Variants in RBM39 observed in about 807,000 individuals in gnomAD.
RBM39 encodes RNA-binding protein 39.
In RBM39, 12 loss-of-function variants were observed where a neutral mutation model predicts 79.6. The observed-to-expected ratio is 0.15, with a 90% CI of 0.10 to 0.24. The LOEUF is 0.24. Among genes scored for constraint, RBM39 ranks in the 10% least tolerant of loss-of-function variants. The probability of loss-of-function intolerance (pLI) is 1.00; values close to 1 mark genes in which losing one functional copy is unlikely to be tolerated. For missense variants in RBM39, 243 were observed against 653.4 expected (o/e 0.37, Z 6.85); for synonymous variants, 185 against 208.4 (o/e 0.89, Z 0.97).
intron 3 of RBM39, among the ~76,000 whole-genome samples, chr20:35,738,122 C>T (rs2040159640): frequency 6.6e-6 from 1 of 151,720 alleles, no homozygotes; most frequent in Non-Finnish European, 1.5e-5. Flanking sequence ...AACCACTGCA[C>T]CCCAGCCTGG....
Position 35,712,650 on chromosome 20 carries a change from T to C in RBM39, c.1174+369A>G, listed in dbSNP as rs534896393. 2.9e-3 allele frequency among the ~76,000 whole-genome samples: 443 copies of C among 152,198 alleles called. 1 individual carries two copies. Among genetic ancestry groups the C allele is most frequent in the African/African-American group, 1.0e-2 (415 of 41,512 alleles). On this transcript the variant is annotated intron_variant, in intron 12 of 16. Transcript: ENST00000253363. ...TGTCTCAACACTCTTACTACTACAA[T>C]AGTTTTAAGTAAAGCTTTTTTAAGT...
At chr20:35,724,339 A>C (rs1016713665) in intron 8 of RBM39, among the ~76,000 whole-genome samples, 1 of 151,924 alleles carries the variant, frequency 6.6e-6, no homozygotes, top group African/African-American at 2.4e-5. Context: ...AAACAAAACA[A>C]AAAAAAGGCA....
Position 35,704,471 on chromosome 20 carries a change from A to AT in RBM39, c.*9dup. 1 of 1,573,250 alleles carries AT rather than the reference A, an allele frequency of 6.4e-7. No homozygotes were observed. The highest frequency in any genetic ancestry group is 8.7e-7 in the Non-Finnish European group (1 of 1,144,982). ...AAAAAAGCTATATACATAAGGGACT[A>AT]TATCTTCCTTCATCGTCTACTTGGA... On this transcript the variant is annotated 3_prime_UTR_variant, in exon 17 of 17. Transcript: ENST00000253363.
chr20:35,739,349 G>A (rs2040299598), intron 2 of RBM39: 2 of 458,310 alleles, frequency 4.4e-6, no homozygotes, highest in Middle Eastern at 3.3e-4. Context: ...ATGAAGTCCT[G>A]TTTTGAGTTT....
intron 3 of RBM39, among the ~76,000 whole-genome samples, chr20:35,738,641 T>G (rs551207278): frequency 6.6e-6 from 1 of 152,220 alleles, no homozygotes; most frequent in Non-Finnish European, 1.5e-5. Context: ...TCAATGGATA[T>G]ATAACAGTTT....
intron 12 of RBM39, among the ~76,000 whole-genome samples, chr20:35,712,368 G>C (rs920055649): frequency 6.8e-6 from 1 of 146,102 alleles, no homozygotes; most frequent in East Asian, 2.1e-4. Context: ...AGGAGGCACA[G>C]GTTGCAGTGA....
intron 14 of RBM39, among the ~76,000 whole-genome samples, chr20:35,706,291 C>A (rs796923936): frequency 6.6e-6 from 1 of 152,102 alleles, no homozygotes; most frequent in African/African-American, 2.4e-5. Context: ...AAGATAGAGC[C>A]GGTGGCGCCA....
rs927496456 is a variant in RBM39 at position 35,729,535 on chromosome 20, G to A, written c.297-8C>T. 2 of 1,613,360 alleles carry A rather than the reference G, an allele frequency of 1.2e-6. No individual in the cohort carries two copies. Among genetic ancestry groups the A allele is most frequent in the Admixed American group, 3.3e-5 (2 of 59,876 alleles). On this transcript the variant is annotated splice_region_variant and splice_polypyrimidine_tract_variant and intron_variant, in intron 4 of 16. Coordinates refer to ENST00000253363, the MANE Select transcript of RBM39 (RefSeq NM_184234.3). Reference sequence around the variant, plus strand: ...TTAAATTTTGGTCCGGAGCTAAAAAGGAAACACAAAATTACACTAGTTACA... The same window carrying A: ...TTAAATTTTGGTCCGGAGCTAAAAAAGAAACACAAAATTACACTAGTTACA...
At chr20:35,741,044 T>C (rs1002464402) in intron 1 of RBM39, among the ~76,000 whole-genome samples, 157 bp from the exon 2 acceptor site, 5 of 127,712 alleles carry the variant, frequency 3.9e-5, no homozygotes, top group African/African-American at 1.4e-4. Context: ...TTTTTTTTTT[T>C]TTTTTTTGAG....
rs942626953 is a variant in RBM39, at chr20:35,705,439, GA to G, written c.1308-110del. 1.3e-4 allele frequency: 87 copies of G among 657,492 alleles called. 1 individual carries two copies. Among genetic ancestry groups the G allele is most frequent in the Non-Finnish European group, 2.0e-4 (80 of 407,012 alleles). The allele number at this position is 657,492 out of a possible 1,614,324, so 40.7% of individuals were successfully genotyped here. ...TCTATGAATTAAAAAAAATACTTTG[GA>G]AAAAAAGCACATTGACAGAACGTCT... is the stretch of plus-strand genomic sequence containing the variant. On this transcript the variant is annotated intron_variant, in intron 14 of 16. Transcript: ENST00000253363.
chr20:35,726,392 A>C lies in RBM39; in HGVS notation c.417-1237T>G, dbSNP rs529655919. On this transcript the variant is annotated intron_variant, in intron 6 of 16. Transcript: ENST00000253363. Reference sequence around the variant, plus strand: ...GTGATCCACCCGCCTCGGCCTCCAAAAGTACTCGGATTGTAGGCGTCAGCC... The same window carrying C: ...GTGATCCACCCGCCTCGGCCTCCAACAGTACTCGGATTGTAGGCGTCAGCC... Among the ~76,000 whole-genome samples, 3 of 152,230 alleles carry C rather than the reference A, an allele frequency of 2.0e-5. No individual in the cohort carries two copies. In the South Asian group the frequency reaches 6.2e-4, roughly 32 times the overall value.
intron 4 of RBM39, among the ~76,000 whole-genome samples, chr20:35,729,779 A>G (rs2039161863): frequency 1.3e-5 from 2 of 152,052 alleles, no homozygotes; most frequent in South Asian, 4.1e-4. Flanking sequence ...CTGAAAATGC[A>G]CACACCCATT....
intron 2 of RBM39, 121 bp downstream of exon 2, chr20:35,740,703 T>A (rs1383883411): frequency 3.1e-6 from 4 of 1,300,512 alleles, no homozygotes; most frequent in Non-Finnish European, 3.3e-6. Context: ...TTACACGTAA[T>A]GCATCTCTGA....
rs117493788 is a variant in RBM39 at position 35,735,759 on chromosome 20, G to A, written c.101+3209C>T. Among the ~76,000 whole-genome samples, 130 of 152,232 alleles carry A rather than the reference G, an allele frequency of 8.5e-4. 2 individuals are homozygous for A. The East Asian group carries it at 0.021, about 25-fold the overall frequency. On this transcript the variant is annotated intron_variant, in intron 3 of 16. Coordinates refer to ENST00000253363, the MANE Select transcript of RBM39 (RefSeq NM_184234.3). ...CATTTATTTATCACCTATAATTGAC[G>A]AGAAGTCTGACTGGAAAGTATTTTA...
intron 3 of RBM39, 122 bp downstream of exon 3, chr20:35,738,845 TA>T: frequency 2.3e-6 from 2 of 876,266 alleles, no homozygotes; most frequent in Non-Finnish European, 3.5e-6. Flanking sequence ...ACCAATTTTC[TA>T]AAAGCAGCAA....
Position 35,729,455 on chromosome 20 carries a change from T to C in RBM39, c.362+7A>G, listed in dbSNP as rs1226620420. ...AATTTAAACAATTCAGAAGTATGTT[T>C]AAAAACCTTAATTTGATGCTATGAG... On this transcript the variant is annotated splice_region_variant and intron_variant, in intron 5 of 16. Coordinates refer to ENST00000253363, the MANE Select transcript of RBM39 (RefSeq NM_184234.3). 3.7e-6 allele frequency: 6 copies of C among 1,613,360 alleles called. No homozygotes were observed. The highest frequency in any genetic ancestry group is 3.4e-6 in the Non-Finnish European group (4 of 1,179,758).
At chr20:35,729,046 A>T (rs925138591) in intron 6 of RBM39, among the ~76,000 whole-genome samples, 1 of 151,654 alleles carries the variant, frequency 6.6e-6, no homozygotes, top group African/African-American at 2.4e-5. Flanking sequence ...ACTGCACTCC[A>T]TCCTGGGTGA....
intron 9 of RBM39, among the ~76,000 whole-genome samples, chr20:35,717,160 C>T (rs767662654): frequency 6.6e-6 from 1 of 151,822 alleles, no homozygotes; most frequent in Non-Finnish European, 1.5e-5. Context: ...CATGCCTGTA[C>T]GCCCAGCTAC....
chr20:35,720,846 A>G (rs1006688859), intron 9 of RBM39, among the ~76,000 whole-genome samples: 5 of 152,218 alleles, frequency 3.3e-5, no homozygotes, highest in Non-Finnish European at 7.3e-5. Context: ...GCCTTGCCAG[A>G]GGGGCATTCA....
Sources: allele counts gnomAD v4.1 joint callset (sites outside exome capture counted in the v4.1 genomes callset), GRCh38; gene constraint gnomAD v4.1.1; transcripts MANE v1.5; gene names NCBI Gene and HGNC (gene_info 2026-07-23, HGNC 2026-07-21).